MSRA: variants seen among roughly 807,000 people sequenced by gnomAD.
The protein encoded by MSRA is mitochondrial peptide methionine sulfoxide reductase.
A neutral mutation model predicts 31.3 loss-of-function variants in MSRA; 54 were observed. The observed-to-expected ratio is 1.73, with a 90% CI of 1.39 to 2.17. MSRA has a LOEUF of 2.17. MSRA is among the 30% of genes most tolerant of loss of function. MSRA has a pLI of 0.00. For missense variants in MSRA, 507 were observed against 300.9 expected (o/e 1.69, Z -5.07); for synonymous variants, 169 against 116.5 (o/e 1.45, Z -2.90).
chr8:10,412,081 T>C (rs1808191087), intron 5 of MSRA, among the ~76,000 whole-genome samples: 1 of 152,248 alleles, frequency 6.6e-6, no homozygotes, highest in African/African-American at 2.4e-5. Context: ...GAATATATGA[T>C]ACTTTAGGCA....
intron 1 of MSRA, among the ~76,000 whole-genome samples, chr8:10,075,753 C>T (rs1027879427): frequency 2.6e-5 from 4 of 152,196 alleles, no homozygotes; most frequent in African/African-American, 9.7e-5. Context: ...ATAACTGCTA[C>T]GGAGATCACA....
chr8:10,185,045 C>T (rs1336158226), intron 1 of MSRA, among the ~76,000 whole-genome samples: 1 of 152,206 alleles, frequency 6.6e-6, no homozygotes, highest in African/African-American at 2.4e-5. Flanking sequence ...CTCATGCCTT[C>T]TGCTTTTGGT....
At chr8:10,191,068 G>C (rs1283107007) in intron 1 of MSRA, among the ~76,000 whole-genome samples, 1 of 152,194 alleles carries the variant, frequency 6.6e-6, no homozygotes, top group African/African-American at 2.4e-5. Flanking sequence ...CTGCTGCTTA[G>C]ACTAGAGGTC....
At chr8:10,106,378 C>T (rs1799883885) in intron 1 of MSRA, among the ~76,000 whole-genome samples, 1 of 152,206 alleles carries the variant, frequency 6.6e-6, no homozygotes, top group African/African-American at 2.4e-5. Flanking sequence ...TCTCCACTTA[C>T]TGAATTCTTA....
At chr8:10,099,316 C>T (rs568856936) in intron 1 of MSRA, among the ~76,000 whole-genome samples, 32 of 152,220 alleles carry the variant, frequency 2.1e-4, no homozygotes, top group Middle Eastern at 3.4e-3. Flanking sequence ...GTGTCTCAGC[C>T]GTGGGTATAC....
intron 1 of MSRA, among the ~76,000 whole-genome samples, chr8:10,108,481 C>G (rs1468656738): frequency 6.6e-6 from 1 of 152,198 alleles, no homozygotes; most frequent in Non-Finnish European, 1.5e-5. Context: ...ACTGCTGGTT[C>G]CTCTCTTCCA....
At chr8:10,237,917 C>T (rs756161721) in intron 2 of MSRA, among the ~76,000 whole-genome samples, 5 of 152,336 alleles carry the variant, frequency 3.3e-5, no homozygotes, top group Non-Finnish European at 1.5e-5. Flanking sequence ...GTGCTTGGTT[C>T]ACTCTAGTCT....
chr8:10,262,525 G>T (rs1798535577), intron 3 of MSRA, among the ~76,000 whole-genome samples: 1 of 152,066 alleles, frequency 6.6e-6, no homozygotes, highest in Non-Finnish European at 1.5e-5. Context: ...TATCTTCTTG[G>T]TGAGGTGGCT....
At chr8:10,396,171 C>T (rs1410179871) in intron 5 of MSRA, among the ~76,000 whole-genome samples, 2 of 152,194 alleles carry the variant, frequency 1.3e-5, no homozygotes, top group Non-Finnish European at 1.5e-5. Context: ...CGTGCTGCTG[C>T]TGTTATTGAT....
intron 5 of MSRA, among the ~76,000 whole-genome samples, chr8:10,331,287 G>C (rs545146173): frequency 3.4e-4 from 52 of 152,346 alleles, no homozygotes; most frequent in African/African-American, 1.2e-3. Context: ...CAGAGCACTG[G>C]CTTGGAGGAG....
In MSRA at chr8:10,054,590, A is replaced by C. The variant is rs1031148739; in HGVS notation, c.74A>C (p.Asn25Thr). 2.5e-6 allele frequency: 4 copies of C among 1,581,614 alleles called. No homozygotes were observed. Among genetic ancestry groups the C allele is most frequent in the Non-Finnish European group, 3.4e-6 (4 of 1,164,506 alleles). ...HSLFPVPRMG[N>T]SASNIVSPQE... The stretch of plus-strand genomic sequence containing the variant: ...CTCTTTCCCGTCCCGAGGATGGGCA[A>C]CTCGGCCTCGAACATCGTCAGCCCC... Residue 25 changes from asparagine (N) to threonine (T), a missense_variant, in exon 1 of 6, where the codon AAC becomes ACC. Physicochemically the swap from Asn to Thr is moderately conservative, Grantham distance 65. Transcript: ENST00000317173.
At chr8:10,409,543 T>G (rs1020223177) in intron 5 of MSRA, among the ~76,000 whole-genome samples, 3 of 152,210 alleles carry the variant, frequency 2.0e-5, no homozygotes, top group African/African-American at 4.8e-5. Context: ...CTAAGCACCC[T>G]TCTTACCAAA....
intron 3 of MSRA, among the ~76,000 whole-genome samples, chr8:10,299,952 C>CT (rs1388462708): frequency 1.3e-5 from 2 of 152,208 alleles, no homozygotes; most frequent in African/African-American, 4.8e-5. Flanking sequence ...ATATTTCAGT[C>CT]TAATTGCCCA....
At chr8:10,060,931 T>A (rs1197634510) in intron 1 of MSRA, among the ~76,000 whole-genome samples, 1 of 152,240 alleles carries the variant, frequency 6.6e-6, no homozygotes, top group African/African-American at 2.4e-5. Context: ...TACGTTGATT[T>A]TTAAAAGAAA....
At chr8:10,353,480 ACCGGAGGC>A (rs57891729) in intron 5 of MSRA, 275,785 of 391,308 alleles carry the variant, frequency 0.7, 98,670 homozygotes, top group African/African-American at 0.87. Flanking sequence ...TGTATTTGGT[ACCGGAGGC>A]CCGGAGGCCC....
intron 1 of MSRA, among the ~76,000 whole-genome samples, chr8:10,061,396 G>T (rs534783346): frequency 2.0e-5 from 3 of 151,866 alleles, no homozygotes; most frequent in Admixed American, 6.6e-5. Context: ...CCCTTCTCCC[G>T]GAAACCCATC....
At chr8:10,230,730 A>T (rs1811391285) in intron 2 of MSRA, among the ~76,000 whole-genome samples, 1 of 152,220 alleles carries the variant, frequency 6.6e-6, no homozygotes, top group African/African-American at 2.4e-5. Flanking sequence ...CTTAGTCAGT[A>T]AGATTCTTAA....
At chr8:10,084,587 T>TTACATGACCTTGGTCAAGC (rs1422687118) in intron 1 of MSRA, among the ~76,000 whole-genome samples, 1 of 152,248 alleles carries the variant, frequency 6.6e-6, no homozygotes, top group Admixed American at 6.5e-5. Flanking sequence ...CTTGGGCAAG[T>TTACATGACCTTGGTCAAGC]TACATGACCT....
intron 4 of MSRA, among the ~76,000 whole-genome samples, chr8:10,302,866 G>A (rs1397448839): frequency 1.3e-5 from 2 of 152,126 alleles, no homozygotes; most frequent in Non-Finnish European, 1.5e-5. Flanking sequence ...GAACCGGTAG[G>A]ACAAGAACAC....
Sources: gnomAD v4.1 joint callset for allele counts (sites outside exome capture counted in the v4.1 genomes callset) on GRCh38, gnomAD v4.1.1 for gene constraint, MANE v1.5 for transcripts, NCBI Gene and HGNC (gene_info 2026-07-23, HGNC 2026-07-21) for gene names.